The following TTN variants were observed in gnomAD, a reference collection of about 807,000 sequenced individuals.
The protein encoded by TTN is titin.
TTN carries 1,525 observed loss-of-function variants against 3,223.0 expected under a neutral mutation model. The ratio of observed to expected loss-of-function variants is 0.47; its 90% CI spans 0.45 to 0.49. The LOEUF (loss-of-function observed/expected upper bound fraction) is 0.49. Ranked by LOEUF, TTN falls within the 20% of genes least tolerant of loss-of-function variation. The pLI, the probability that TTN is intolerant of heterozygous loss-of-function variation, is 0.00. For missense variants in TTN, 40,786 were observed against 43,424.0 expected (o/e 0.94, Z 5.40); for synonymous variants, 14,094 against 15,161.0 (o/e 0.93, Z 5.17).
At chr2:178,805,020 T>C (rs1237439673) in intron 1 of TTN, among the ~76,000 whole-genome samples, 2 of 152,142 alleles carry the variant, frequency 1.3e-5, no homozygotes, top group Non-Finnish European at 2.9e-5. Context: ...GAAGTGTAAT[T>C]AGAGAGACAA....
Position 178,701,005 on chromosome 2 carries a change from A to G in TTN, c.30682+115T>C, listed in dbSNP as rs534123202. Reference sequence around the variant, plus strand: ...CTTTGAGAAAGTAATTTACATTTTGAAAGGCAATTCCACCTCTTGACCACT... The same window carrying G: ...CTTTGAGAAAGTAATTTACATTTTGGAAGGCAATTCCACCTCTTGACCACT... On this transcript the variant is annotated intron_variant, in intron 111 of 362. Transcript: ENST00000589042. 21 of 803,248 alleles carry G rather than the reference A, an allele frequency of 2.6e-5. No individual in the cohort carries two copies. The African/African-American group carries it at 3.6e-4, about 14-fold the overall frequency. The allele number at this position is 803,248 out of a possible 1,614,324, so 49.8% of individuals were successfully genotyped here.
At chr2:178,767,208 C>G (rs1163195701) in intron 40 of TTN, among the ~76,000 whole-genome samples, 3 of 152,168 alleles carry the variant, frequency 2.0e-5, no homozygotes, top group Non-Finnish European at 2.9e-5. Context: ...CATGTTTCCT[C>G]CATTATATCA....
intron 1 of TTN, among the ~76,000 whole-genome samples, chr2:178,805,362 A>T (rs2154361411): frequency 6.6e-6 from 1 of 151,778 alleles, no homozygotes; most frequent in East Asian, 1.9e-4. Flanking sequence ...AAAAAAAAAA[A>T]AATTAAAATA....
rs757082154 is a variant in TTN, at chr2:178,527,491, G to A, written c.107635C>T (p.Gln35879Ter). Residue 35879 changes from glutamine to a stop codon, truncating the protein, a stop_gained, in exon 362 of 363, where the codon CAA (glutamine) becomes TAA (stop). Coordinates refer to ENST00000589042, the MANE Select transcript of TTN (RefSeq NM_001267550.2). LOFTEE classifies it high-confidence loss of function. ...ATTTTACTAGTTGAGCTTTCCAGTTGTGTCATATTAGATATTCCCATAAAG... is the reference window on the plus strand; with the variant it reads ...ATTTTACTAGTTGAGCTTTCCAGTTATGTCATATTAGATATTCCCATAAAG... The part of the protein sequence containing the change: ...SSFMGISNMT[Q>*]LESSTSKMLK... 11 of 1,613,904 alleles carry A rather than the reference G, an allele frequency of 6.8e-6. No homozygotes were observed. Among genetic ancestry groups the A allele is most frequent in the Admixed American group, 5.0e-5 (3 of 60,004 alleles).
At position 178,794,578 on chromosome 2, in the gene TTN, A is replaced by G. The variant is rs749972654; in HGVS notation, c.1246-27T>C. On this transcript the variant is annotated intron_variant, in intron 7 of 362. Coordinates refer to ENST00000589042, the MANE Select transcript of TTN (RefSeq NM_001267550.2). ...TAGATTAGAAATGACCAAGTAGATT[A>G]CTTTTTTAAATGACATGCCCAGTAG... The G allele has an allele frequency of 2.5e-5, 40 of 1,614,106 alleles. No individual in the cohort carries two copies. The East Asian group carries it at 6.5e-4, about 26-fold the overall frequency.
In TTN at chr2:178,649,308, C is replaced by T; in HGVS notation, c.39997G>A (p.Val13333Ile). Residue 13333 changes from valine to isoleucine, a missense_variant, in exon 213 of 363, where the codon GTT (valine) becomes ATT (isoleucine). Coordinates refer to ENST00000589042, the MANE Select transcript of TTN (RefSeq NM_001267550.2). Reference protein sequence around the residue: ...AKVPEVPKKLVPVKKEPVPVT... With the variant: ...AKVPEVPKKLIPVKKEPVPVT... ...GGCACAGGTTCTTTCTTTACTGGAA[C>T]AAGTTTCTTGGGCACCTCAGGCACT... 6.8e-7 allele frequency: 1 copy of T among 1,469,714 alleles called. No homozygotes were observed. Among genetic ancestry groups the T allele is most frequent in the Non-Finnish European group, 8.9e-7 (1 of 1,118,552 alleles). 91.0% of individuals were successfully genotyped at this position (1,469,714 alleles called of 1,614,324 possible). A position where few individuals can be genotyped will look rare whatever the true frequency, so the allele number is the denominator to read the frequency against.
chr2:178,599,618 T>C lies in TTN; in HGVS notation c.56283A>G (p.Leu18761=). 6.2e-7 allele frequency: 1 copy of C among 1,611,542 alleles called. No individual in the cohort carries two copies. The highest frequency in any genetic ancestry group is 8.5e-7 in the Non-Finnish European group (1 of 1,178,662). Residue 18761 remains leucine, a synonymous_variant, in exon 289 of 363, where the codon TTA becomes TTG. Transcript: ENST00000589042. ...GATTATTTACAGCTGTGATGGTATA[T>C]AAGCCAGTGTCACTCCTGCGAGACT... is the stretch of plus-strand genomic sequence containing the variant. The part of the protein sequence containing the change: ...IPQSRRSDTG[L]YTITAVNNLG...
At chr2:178,761,042 G>A (rs2089050433) in intron 43 of TTN, 1 of 152,194 alleles carries the variant, frequency 6.6e-6, no homozygotes, top group African/African-American at 2.4e-5. Flanking sequence ...ACTTTTCTTG[G>A]TAGTGGACTT....
chr2:178,590,832 T>C lies in TTN; in HGVS notation c.60893A>G (p.Asp20298Gly). ...ATVSWTLPKSDGGSPITGYYM... is the reference protein window; with the variant it reads ...ATVSWTLPKSGGGSPITGYYM... ...GTAGCCAGTTATTGGACTGCCACCA[T>C]CAGATTTTGGCAGGGTCCAAGACAC... The change falls in exon 304 of 363, where the codon GAT (aspartate) becomes GGT (glycine). Residue 20298 changes from aspartate to glycine, a missense_variant. Coordinates refer to ENST00000589042, the MANE Select transcript of TTN (RefSeq NM_001267550.2). 6.2e-7 allele frequency: 1 copy of C among 1,607,168 alleles called. No homozygotes were observed. The highest frequency in any genetic ancestry group is 8.5e-7 in the Non-Finnish European group (1 of 1,174,348).
At position 178,635,442 on chromosome 2, in the gene TTN, C is replaced by T. The variant is rs764116556; in HGVS notation, c.41882G>A (p.Gly13961Glu). The change falls in exon 227 of 363, where the codon GGA becomes GAA. Residue 13961 changes from glycine (G) to glutamate (E), a missense_variant and splice_region_variant. Transcript: ENST00000589042. ...GKRYPAKLTL[G>E]EREVELLKPI... ...GAATAAAAGGTAAGATTTTATACCT[C>T]CAAGTGTCAGCTTTGCAGGGTATCT... 1.2e-6 allele frequency: 2 copies of T among 1,606,718 alleles called. No homozygotes were observed. Among genetic ancestry groups the T allele is most frequent in the Non-Finnish European group, 1.7e-6 (2 of 1,176,746 alleles).
rs760865833 is a variant in TTN, at chr2:178,572,301, C to G, written c.73831G>C (p.Val24611Leu). ...IGLPAETAES[V>L]KASERPLPPG... Reference sequence around the variant, plus strand: ...GGAAGAGGTCGTTCTGATGCTTTCACAGATTCTGCGGTTTCAGCAGGCAGC... The same window carrying G: ...GGAAGAGGTCGTTCTGATGCTTTCAGAGATTCTGCGGTTTCAGCAGGCAGC... The change falls in exon 326 of 363, where the codon GTG becomes CTG. Residue 24611 changes from valine to leucine, a missense_variant. Physicochemically the swap from Val to Leu is conservative, Grantham distance 32 (BLOSUM62 1). Transcript: ENST00000589042. 1.9e-6 allele frequency: 3 copies of G among 1,611,942 alleles called. No individual in the cohort carries two copies. The highest frequency in any genetic ancestry group is 1.3e-5 in the African/African-American group (1 of 75,008).
In TTN at chr2:178,713,906, G is replaced by T; in HGVS notation, c.26752C>A (p.Gln8918Lys). 5 of 1,612,928 alleles carry T rather than the reference G, an allele frequency of 3.1e-6. No homozygotes were observed. The highest frequency in any genetic ancestry group is 4.2e-6 in the Non-Finnish European group (5 of 1,179,222). The change falls in exon 92 of 363, where the codon CAG becomes AAG. Residue 8918 changes from glutamine to lysine, a missense_variant. Gln to Lys is a moderately conservative substitution (Grantham distance 53, BLOSUM62 1). Transcript: ENST00000589042. Reference sequence around the variant, plus strand: ...CAAGAAATCAACCAACCTGAAACCTGCAATGAAGCTGTGCAGCTGTCTTTG... The same window carrying T: ...CAAGAAATCAACCAACCTGAAACCTTCAATGAAGCTGTGCAGCTGTCTTTG... ...VGKDSCTASL[Q>K]VSDRTVPPSF...
chr2:178,770,069 A>G lies in TTN; in HGVS notation c.8632T>C (p.Phe2878Leu). The G allele has an allele frequency of 6.2e-7, 1 of 1,614,128 alleles. No individual in the cohort carries two copies. Among genetic ancestry groups the G allele is most frequent in the Admixed American group, 1.7e-5 (1 of 60,014 alleles). ...VGQLECKAKL[F>L]VETLHITKTM... ...GCTGCCTGATACTTACTCTCCACAA[A>G]CAGTTTTGCTTTGCATTCCAATTGC... is the stretch of plus-strand genomic sequence containing the variant. Residue 2878 changes from phenylalanine to leucine, a missense_variant, in exon 36 of 363, where the codon TTT (phenylalanine) becomes CTT (leucine). Physicochemically the swap from Phe to Leu is conservative, Grantham distance 22 (BLOSUM62 0). Coordinates refer to ENST00000589042, the MANE Select transcript of TTN (RefSeq NM_001267550.2).
At chr2:178,713,408 CAAA>C in intron 92 of TTN, 36 bp from the exon 93 acceptor site, 4 of 1,459,626 alleles carry the variant, frequency 2.7e-6, no homozygotes, top group Non-Finnish European at 3.6e-6. Flanking sequence ...CAAAACAAAA[CAAA>C]AAAAACAAAG....
chr2:178,548,319 C>CACCAACA lies in TTN; in HGVS notation c.93306_93307insTGTTGGT (p.Glu31103CysfsTer3). 1 of 1,613,878 alleles carries CACCAACA rather than the reference C, an allele frequency of 6.2e-7. No homozygotes were observed. The highest frequency in any genetic ancestry group is 8.5e-7 in the Non-Finnish European group (1 of 1,179,820). ...GTGGCTACAATTGGTTCTGGCATTTCATAGGGCTCACCAACACCATACTCA... is the reference window on the plus strand; with the variant it reads ...GTGGCTACAATTGGTTCTGGCATTTCACCAACAATAGGGCTCACCAACACCATACTCA... On this transcript the variant is annotated frameshift_variant, in exon 339 of 363. Coordinates refer to ENST00000589042, the MANE Select transcript of TTN (RefSeq NM_001267550.2). LOFTEE classifies it high-confidence loss of function. The surrounding 1 kb of genome is among the most constrained non-coding windows in gnomAD (Gnocchi z 4.3).
Position 178,723,273 on chromosome 2 carries a change from T to G in TTN, c.21734A>C (p.Lys7245Thr). 1 of 1,613,498 alleles carries G rather than the reference T, an allele frequency of 6.2e-7. No homozygotes were observed. Among genetic ancestry groups the G allele is most frequent in the Non-Finnish European group, 8.5e-7 (1 of 1,179,636 alleles). ...RLSDHSVEPG[K>T]SIILESTYTG... ...GTAGGTGCTCTCCAGAATTATGGAC[T>G]TCCCTGGTTCTACAGAATGATCACT... Residue 7245 changes from lysine to threonine, a missense_variant, in exon 75 of 363, where the codon AAG becomes ACG. Transcript: ENST00000589042.
chr2:178,780,106 C>G lies in TTN; in HGVS notation c.3623G>C (p.Gly1208Ala). The change falls in exon 22 of 363, where the codon GGA (glycine) becomes GCA (alanine). Residue 1208 changes from glycine to alanine, a missense_variant. Coordinates refer to ENST00000589042, the MANE Select transcript of TTN (RefSeq NM_001267550.2). ...QEPKVGETAP[G>A]FVYSEYEKEY... ...TTTTTCATACTCAGAGTATACAAATCCAGGTGCTGTTTCTCCAACTTTAGG... is the reference window on the plus strand; with the variant it reads ...TTTTTCATACTCAGAGTATACAAATGCAGGTGCTGTTTCTCCAACTTTAGG... 6.2e-7 allele frequency: 1 copy of G among 1,613,796 alleles called. No individual in the cohort carries two copies. The highest frequency in any genetic ancestry group is 8.5e-7 in the Non-Finnish European group (1 of 1,179,850).
chr2:178,741,815 A>C lies in TTN; in HGVS notation c.11418T>G (p.Val3806=). ...ETLELLSESP[V]YPTKFDSEKE... is the part of the protein sequence containing the mutation. ...TTTCGGAATCAAATTTAGTTGGGTA[A>C]ACTGGAGATTCAGACAAAAGTTCAA... is the stretch of plus-strand genomic sequence containing the variant. Residue 3806 remains valine (V), a synonymous_variant, in exon 48 of 363, where the codon GTT becomes GTG. Transcript: ENST00000589042. 1 of 1,612,778 alleles carries C rather than the reference A, an allele frequency of 6.2e-7. No homozygotes were observed.
Position 178,777,915 on chromosome 2 carries a change from T to TGACATCCGTGCAGGA in TTN, c.4254_4268dup (p.Ala1435_Pro1439dup). ...TCCGTGCAGGAGACATCCTTGCAGG[T>TGACATCCGTGCAGGA]GACATCCGTGCAGGAGACATGCGTA... On this transcript the variant is annotated inframe_insertion, in exon 25 of 363. Coordinates refer to ENST00000589042, the MANE Select transcript of TTN (RefSeq NM_001267550.2). The TGACATCCGTGCAGGA allele has an allele frequency of 1.2e-6, 2 of 1,613,806 alleles. No individual in the cohort carries two copies. Among genetic ancestry groups the TGACATCCGTGCAGGA allele is most frequent in the Non-Finnish European group, 1.7e-6 (2 of 1,179,866 alleles).
Sources: allele counts gnomAD v4.1 joint callset (sites outside exome capture counted in the v4.1 genomes callset), GRCh38; gene constraint gnomAD v4.1.1; non-coding constraint Gnocchi (gnomAD v3.1); transcripts MANE v1.5; gene names NCBI Gene and HGNC (gene_info 2026-07-23, HGNC 2026-07-21).